The following HRG variants were observed in gnomAD, a reference collection of about 807,000 sequenced individuals.
HRG encodes histidine rich glycoprotein, also known as histidine-rich glycoprotein.
Under a neutral mutation model 29.5 loss-of-function variants are expected in HRG, and 26 were observed. The ratio of observed to expected loss-of-function variants is 0.88; its 90% CI spans 0.65 to 1.22. HRG has a LOEUF of 1.22. Ranked by LOEUF, HRG falls within the 50% of genes most tolerant of loss-of-function variation. The pLI, the probability that HRG is intolerant of heterozygous loss-of-function variation, is 0.00. For synonymous variants in HRG, 243 were observed against 240.4 expected (o/e 1.01, Z -0.10); for missense variants, 671 against 654.5 (o/e 1.03, Z -0.28).
At chr3:186,666,243 T>C (rs1267718042) in intron 1 of HRG, 29 bp downstream of exon 1, 5 of 1,610,792 alleles carry the variant, frequency 3.1e-6, no homozygotes, top group Admixed American at 1.7e-5. Flanking sequence ...CAGAGCTGAG[T>C]TGGGAGATTA....
chr3:186,674,773 G>A, intron 5 of HRG: 1 of 375,668 alleles, frequency 2.7e-6, no homozygotes, highest in Non-Finnish European at 5.1e-6. Context: ...GGTCTCCAGT[G>A]CAGAAGGGTT....
chr3:186,674,154 C>T (rs1315554560), intron 5 of HRG: 2 of 152,100 alleles, frequency 1.3e-5, no homozygotes, highest in Non-Finnish European at 2.9e-5. Flanking sequence ...CACACTGAAC[C>T]AGGTCTAGAA....
In HRG at chr3:186,670,017, C is replaced by T; in HGVS notation, c.380C>T (p.Thr127Ile). The change falls in exon 3 of 7, where the codon ACC becomes ATC. Residue 127 changes from threonine to isoleucine, a missense_variant. Coordinates refer to ENST00000232003, the MANE Select transcript of HRG (RefSeq NM_000412.5). ...CTCAGAGTGATTGACTTTAACTGCACCACAAGTTCTGGTATGGTAATCTGT... is the reference window on the plus strand; with the variant it reads ...CTCAGAGTGATTGACTTTAACTGCATCACAAGTTCTGGTATGGTAATCTGT... The part of the protein sequence containing the change: ...QDLRVIDFNC[T>I]TSSVSSALAN... 1 of 1,538,360 alleles carries T rather than the reference C, an allele frequency of 6.5e-7. No homozygotes were observed. Among genetic ancestry groups the T allele is most frequent in the South Asian group, 1.1e-5 (1 of 89,518 alleles).
intron 4 of HRG, among the ~76,000 whole-genome samples, 184 bp downstream of exon 4, chr3:186,671,973 A>G (rs1445704694): frequency 9.7e-5 from 3 of 30,940 alleles, no homozygotes; most frequent in African/African-American, 2.9e-4. Flanking sequence ...CTTTCCTCAA[A>G]CACTTTTTTT....
Position 186,672,815 on chromosome 3 carries a change from T to A in HRG, c.587T>A (p.Val196Glu). The stretch of plus-strand genomic sequence containing the variant: ...GGAGGGGAAGGAACTGGTTACTTCG[T>A]GGACTTCTCTGTGCGGAACTGCCCC... ...VRGGEGTGYF[V>E]DFSVRNCPRH... The change falls in exon 5 of 7, where the codon GTG becomes GAG. Residue 196 changes from valine to glutamate, a missense_variant. Transcript: ENST00000232003. 6.2e-7 allele frequency: 1 copy of A among 1,612,462 alleles called. No individual in the cohort carries two copies. The highest frequency in any genetic ancestry group is 1.3e-5 in the African/African-American group (1 of 74,992).
At chr3:186,675,306 T>TGAGAGA (rs1271203185) in intron 6 of HRG, 116 bp downstream of exon 6, 5 of 465,144 alleles carry the variant, frequency 1.1e-5, no homozygotes, top group Admixed American at 2.7e-5. Context: ...TGTGTGTGTG[T>TGAGAGA]GTGAGAGAGA....
At position 186,666,110 on chromosome 3, in the gene HRG, G is replaced by A. The variant is rs781342530; in HGVS notation, c.79G>A (p.Val27Ile). 5.0e-6 allele frequency: 8 copies of A among 1,614,242 alleles called. No individual in the cohort carries two copies. The highest frequency in any genetic ancestry group is 5.9e-6 in the Non-Finnish European group (7 of 1,180,032). Residue 27 changes from valine (V) to isoleucine (I), a missense_variant, in exon 1 of 7, where the codon GTT (valine) becomes ATT (isoleucine). Coordinates refer to ENST00000232003, the MANE Select transcript of HRG (RefSeq NM_000412.5). ...CAVSPTDCSA[V>I]EPEAEKALDL... The stretch of plus-strand genomic sequence containing the variant: ...CGTGAGTCCCACTGACTGCAGTGCT[G>A]TTGAGCCGGAGGCTGAGAAAGCTCT...
chr3:186,677,569 C>G lies in HRG; in HGVS notation c.1264C>G (p.His422Asp). Residue 422 changes from histidine to aspartate, a missense_variant, in exon 7 of 7, where the codon CAT (histidine) becomes GAT (aspartate). His to Asp is a moderately conservative substitution (Grantham distance 81). Transcript: ENST00000232003. ...CTATGGACCTTGTGACCCACCACCC[C>G]ATAACCAAGGTCACTGTTGCCATGG... ...QDYGPCDPPP[H>D]NQGHCCHGHG... 6.2e-7 allele frequency: 1 copy of G among 1,614,076 alleles called. No homozygotes were observed. Among genetic ancestry groups the G allele is most frequent in the African/African-American group, 1.3e-5 (1 of 75,044 alleles).
intron 1 of HRG, chr3:186,666,924 AG>A: frequency 6.7e-6 from 1 of 148,626 alleles, no homozygotes; most frequent in Non-Finnish European, 1.5e-5. Flanking sequence ...AAAAAAAAAA[AG>A]AAGAAGAAGA....
Position 186,672,800 on chromosome 3 carries a change from G to A in HRG, c.572G>A (p.Gly191Glu). Residue 191 changes from glycine (G) to glutamate (E), a missense_variant, in exon 5 of 7, where the codon GGA becomes GAA. By Grantham distance (98) the Gly-to-Glu change is moderately conservative. Transcript: ENST00000232003. The stretch of plus-strand genomic sequence containing the variant: ...CATCTGTTCTAGAGAGGAGGGGAAG[G>A]AACTGGTTACTTCGTGGACTTCTCT... Reference protein sequence around the residue: ...ERVARVRGGEGTGYFVDFSVR... With the variant: ...ERVARVRGGEETGYFVDFSVR... 1.2e-6 allele frequency: 2 copies of A among 1,610,180 alleles called. No homozygotes were observed. Among genetic ancestry groups the A allele is most frequent in the South Asian group, 1.1e-5 (1 of 90,962 alleles).
chr3:186,677,345 G>A lies in HRG; in HGVS notation c.1040G>A (p.Ser347Asn), dbSNP rs1181080436. 1 of 1,613,826 alleles carries A rather than the reference G, an allele frequency of 6.2e-7. No homozygotes were observed. Among genetic ancestry groups the A allele is most frequent in the African/African-American group, 1.3e-5 (1 of 74,828 alleles). ...AQRHSHNNNS[S>N]DLHPHKHHSH... ...AGACATTCTCATAATAATAATTCCA[G>A]TGACCTCCATCCCCATAAGCATCAT... Residue 347 changes from serine to asparagine, a missense_variant, in exon 7 of 7, where the codon AGT becomes AAT. Coordinates refer to ENST00000232003, the MANE Select transcript of HRG (RefSeq NM_000412.5).
rs1439232188 is a variant in HRG, at chr3:186,666,039, C to T, written c.8C>T (p.Ala3Val). 6.2e-7 allele frequency: 1 copy of T among 1,614,186 alleles called. No homozygotes were observed. The change falls in exon 1 of 7, where the codon GCA becomes GTA. Residue 3 changes from alanine (A) to valine (V), a missense_variant. Physicochemically the swap from Ala to Val is moderately conservative, Grantham distance 64. Transcript: ENST00000232003. ...AAGGGATGGTTTAACAAAATGAAGG[C>T]ACTCATTGCAGCACTGCTTTTGATC... MK[A>V]LIAALLLITL...
chr3:186,668,680 C>G lies in HRG; in HGVS notation c.184-255C>G, dbSNP rs73886011. 1,215 of 462,092 alleles carry G rather than the reference C, an allele frequency of 2.6e-3. 14 individuals are homozygous for G. Among genetic ancestry groups the G allele is most frequent in the African/African-American group, 0.021 (1,082 of 50,804 alleles). The allele number at this position is 462,092 out of a possible 1,614,324, so 28.6% of individuals were successfully genotyped here. Reference sequence around the variant, plus strand: ...GGTGATGATGCCTCCGCTAAACCACCACTGCCGTTTAGTGATAGCTTCTTC... The same window carrying G: ...GGTGATGATGCCTCCGCTAAACCACGACTGCCGTTTAGTGATAGCTTCTTC... On this transcript the variant is annotated intron_variant, in intron 1 of 6. Coordinates refer to ENST00000232003, the MANE Select transcript of HRG (RefSeq NM_000412.5).
intron 6 of HRG, 99 bp downstream of exon 6, chr3:186,675,289 GT>G (rs1284653804): frequency 1.1e-4 from 44 of 415,872 alleles, no homozygotes; most frequent in African/African-American, 6.0e-4. Context: ...GAGTGGGTGT[GT>G]GTGTGTGTGT....
In HRG at chr3:186,668,798, G is replaced by A. The variant is rs748263659; in HGVS notation, c.184-137G>A. The A allele has an allele frequency of 3.1e-5, 20 of 653,648 alleles. 1 individual carries two copies. In the East Asian group the frequency reaches 4.1e-4, roughly 13 times the overall value. The allele number at this position is 653,648 out of a possible 1,614,324, so 40.5% of individuals were successfully genotyped here. On this transcript the variant is annotated intron_variant, in intron 1 of 6. Coordinates refer to ENST00000232003, the MANE Select transcript of HRG (RefSeq NM_000412.5). ...TATTGGAATCAATAGATCAAATGAC[G>A]CAAAGGTAGAGCATCTGCAAAGACA...
chr3:186,676,178 AT>A (rs1307465886), intron 6 of HRG, among the ~76,000 whole-genome samples: 1 of 151,552 alleles, frequency 6.6e-6, no homozygotes, highest in African/African-American at 2.4e-5. Flanking sequence ...CTCTGTAGCT[AT>A]TTTTTAAAAA....
intron 5 of HRG, 21 bp from the exon 6 acceptor site, chr3:186,675,068 C>G (rs370268992): frequency 1.3e-6 from 2 of 1,525,456 alleles, no homozygotes; most frequent in South Asian, 1.1e-5. Context: ...CACACACTAA[C>G]AGCTCCTCAT....
Position 186,672,715 on chromosome 3 carries a change from G to T in HRG, c.559-72G>T, listed in dbSNP as rs1443002479. Reference sequence around the variant, plus strand: ...ATACTGCCTTAAAAAATATTGAATGGTAGTTATCTACTGCTTTTTTTTCCT... The same window carrying T: ...ATACTGCCTTAAAAAATATTGAATGTTAGTTATCTACTGCTTTTTTTTCCT... On this transcript the variant is annotated intron_variant, in intron 4 of 6. Transcript: ENST00000232003. 5.5e-6 allele frequency: 5 copies of T among 914,396 alleles called. No homozygotes were observed. The East Asian group carries it at 1.2e-4, about 22-fold the overall frequency. The allele number at this position is 914,396 out of a possible 1,614,324, so 56.6% of individuals were successfully genotyped here.
At chr3:186,672,556 C>T (rs1314108031) in intron 4 of HRG, among the ~76,000 whole-genome samples, 5 of 152,166 alleles carry the variant, frequency 3.3e-5, no homozygotes. Flanking sequence ...TGATTTTTCA[C>T]ACTCTACTTT....
Sources: gnomAD v4.1 joint callset for allele counts (sites outside exome capture counted in the v4.1 genomes callset) on GRCh38, gnomAD v4.1.1 for gene constraint, MANE v1.5 for transcripts, NCBI Gene and HGNC (gene_info 2026-07-23, HGNC 2026-07-21) for gene names.